The following ZNF605 variants were observed in gnomAD, a reference collection of about 807,000 sequenced individuals.
ZNF605 encodes the protein zinc finger protein 605.
Under a neutral mutation model 7.9 loss-of-function variants are expected in ZNF605, and 9 were observed. The ratio of observed to expected loss-of-function variants is 1.14; its 90% CI spans 0.68 to 1.98. ZNF605 has a LOEUF of 1.98. Ranked by LOEUF, ZNF605 falls within the 30% of genes most tolerant of loss-of-function variation. ZNF605 has a pLI of 0.00. For synonymous variants in ZNF605, 255 were observed against 260.1 expected, an observed-to-expected ratio of 0.98 and a Z score of 0.19; for missense variants, 673 against 762.4, an observed-to-expected ratio of 0.88 and a Z score of 1.38.
chr12:132,943,373 C>A lies in ZNF605; in HGVS notation c.15+2248G>T, dbSNP rs1199359910. 7.5e-3 allele frequency among the ~76,000 whole-genome samples: 1,107 copies of A among 147,856 alleles called. 9 individuals carry two copies. Among genetic ancestry groups the A allele is most frequent in the African/African-American group, 0.013 (503 of 40,182 alleles). ...GACTCCATCTCAAAAAAAAAAAAAA[C>A]AAAAAAAACCTGTAGTGCATGTTCA... On this transcript the variant is annotated intron_variant, in intron 3 of 4. Coordinates refer to ENST00000360187, the MANE Select transcript of ZNF605 (RefSeq NM_183238.4).
chr12:132,934,128 A>G (rs1470545955), intron 3 of ZNF605, among the ~76,000 whole-genome samples: 5 of 151,410 alleles, frequency 3.3e-5, no homozygotes, highest in African/African-American at 9.7e-5. Context: ...CACACACACA[A>G]ATTAGCTGGG....
At chr12:132,930,949 A>G (rs1952302469) in intron 4 of ZNF605, among the ~76,000 whole-genome samples, 1 of 152,210 alleles carries the variant, frequency 6.6e-6, no homozygotes. Flanking sequence ...GGGGAGGCCA[A>G]GGCGGGAGGA....
intron 4 of ZNF605, among the ~76,000 whole-genome samples, chr12:132,931,239 T>G (rs371406167): frequency 0.011 from 1,658 of 152,300 alleles, 31 homozygotes; most frequent in African/African-American, 0.037. Context: ...ACTTTTCTAC[T>G]GAAGGGACAT....
At chr12:132,928,243 T>C (rs1266623676) in intron 4 of ZNF605, among the ~76,000 whole-genome samples, 1 of 152,188 alleles carries the variant, frequency 6.6e-6, no homozygotes, top group African/African-American at 2.4e-5. Flanking sequence ...GCAGAATAAA[T>C]GTACAATATC....
intron 1 of ZNF605, among the ~76,000 whole-genome samples, chr12:132,954,358 T>A (rs1336907106): frequency 4.4e-5 from 1 of 22,838 alleles, no homozygotes; most frequent in Middle Eastern, 0.017. Flanking sequence ...AGGAGAAGGG[T>A]GGGGAGCGGG....
intron 1 of ZNF605, among the ~76,000 whole-genome samples, chr12:132,953,724 T>C (rs1385717913): frequency 1.3e-5 from 2 of 151,778 alleles, no homozygotes; most frequent in Non-Finnish European, 2.9e-5. Flanking sequence ...GGTGCCCAGC[T>C]AAGGCCACTA....
intron 3 of ZNF605, among the ~76,000 whole-genome samples, chr12:132,934,249 G>A (rs1020549218): frequency 6.6e-6 from 1 of 151,918 alleles, no homozygotes; most frequent in Non-Finnish European, 1.5e-5. Flanking sequence ...CCTGCATGCA[G>A]CCTGGGCAAC....
intron 1 of ZNF605, among the ~76,000 whole-genome samples, chr12:132,955,835 G>T (rs1952631061): frequency 6.6e-6 from 1 of 151,900 alleles, no homozygotes; most frequent in Admixed American, 6.6e-5. Flanking sequence ...CCTCCCAGGG[G>T]CCCCTCTCCC....
intron 4 of ZNF605, 145 bp downstream of exon 4, chr12:132,932,890 G>A: frequency 1.5e-6 from 2 of 1,348,770 alleles, no homozygotes; most frequent in South Asian, 3.0e-5. Context: ...TATAAAGGCT[G>A]CAAAATAAAG....
intron 3 of ZNF605, among the ~76,000 whole-genome samples, chr12:132,942,172 A>G (rs1566236033): frequency 1.3e-5 from 2 of 152,366 alleles, no homozygotes; most frequent in East Asian, 3.9e-4. Context: ...ACAGAAAAAC[A>G]AAACAAAACT....
At chr12:132,953,583 T>G (rs1231086324) in intron 1 of ZNF605, among the ~76,000 whole-genome samples, 2 of 152,070 alleles carry the variant, frequency 1.3e-5, no homozygotes, top group Admixed American at 6.6e-5. Flanking sequence ...CCCACCACCA[T>G]GCCCAGCTAA....
intron 1 of ZNF605, among the ~76,000 whole-genome samples, chr12:132,952,467 A>G (rs75433574): frequency 6.9e-6 from 1 of 145,178 alleles, no homozygotes; most frequent in Non-Finnish European, 1.5e-5. Flanking sequence ...AAAAAAAAAA[A>G]AAGGAAATTT....
At chr12:132,936,365 A>C (rs1952367012) in intron 3 of ZNF605, among the ~76,000 whole-genome samples, 1 of 152,210 alleles carries the variant, frequency 6.6e-6, no homozygotes, top group South Asian at 2.1e-4. Flanking sequence ...GAAATAATAA[A>C]GCAAAAGCTC....
chr12:132,954,475 A>AGGGT (rs2137172530), intron 1 of ZNF605, among the ~76,000 whole-genome samples: 1 of 134,402 alleles, frequency 7.4e-6, no homozygotes, highest in Non-Finnish European at 1.6e-5. Flanking sequence ...GGGGAGGAGA[A>AGGGT]GGGGCTTCTG....
At chr12:132,932,308 T>G (rs1376986037) in intron 4 of ZNF605, among the ~76,000 whole-genome samples, 6 of 152,006 alleles carry the variant, frequency 3.9e-5, no homozygotes, top group Non-Finnish European at 7.4e-5. Flanking sequence ...GGTTTTAAAA[T>G]AGAAATATAT....
In ZNF605 at chr12:132,919,379, CTTT is replaced by C. The variant is rs1175837282; in HGVS notation, c.*5991_*5993del. On this transcript the variant is annotated 3_prime_UTR_variant, in exon 5 of 5. Transcript: ENST00000360187. ...AGCCACCACATCTGGCCAGTAATGCCTTTTTTTTTTTTTTTTTTTTTTTTGAGA... is the reference window on the plus strand; with the variant it reads ...AGCCACCACATCTGGCCAGTAATGCCTTTTTTTTTTTTTTTTTTTTTGAGA... The C allele has an allele frequency of 3.2e-3, 301 of 94,022 alleles. 1 individual carries two copies. The highest frequency in any genetic ancestry group is 0.013 in the African/African-American group (287 of 22,710). 5.8% of individuals were successfully genotyped at this position (94,022 alleles called of 1,614,324 possible). A position where few individuals can be genotyped will look rare whatever the true frequency, so the allele number is the denominator to read the frequency against.
rs1046607919 is a variant in ZNF605, at chr12:132,924,318, T to G, written c.*1055A>C. The G allele has an allele frequency of 3.9e-5, 6 of 152,256 alleles. No individual in the cohort carries two copies. The highest frequency in any genetic ancestry group is 1.3e-4 in the Admixed American group (2 of 15,284). The allele number at this position is 152,256 out of a possible 1,614,324, so 9.4% of individuals were successfully genotyped here. On this transcript the variant is annotated 3_prime_UTR_variant, in exon 5 of 5. Coordinates refer to ENST00000360187, the MANE Select transcript of ZNF605 (RefSeq NM_183238.4). ...AATTCTACCTGATGCTCCATGTGTTTCCACTCTGTTTCCACTCTGGCTGCT... is the reference window on the plus strand; with the variant it reads ...AATTCTACCTGATGCTCCATGTGTTGCCACTCTGTTTCCACTCTGGCTGCT...
Position 132,941,754 on chromosome 12 carries a change from C to T in ZNF605, c.15+3867G>A, listed in dbSNP as rs959283149. On this transcript the variant is annotated intron_variant, in intron 3 of 4. Coordinates refer to ENST00000360187, the MANE Select transcript of ZNF605 (RefSeq NM_183238.4). This position sits in a 1 kb window ranked among gnomAD's most constrained non-coding sequence, Gnocchi z 5.1. ...TACCTCCAGGCTGCCCTCCGTCACG[C>T]GTCCCTCTTCTCCGGGCTGCCCTCC... 2.6e-3 allele frequency among the ~76,000 whole-genome samples: 403 copies of T among 152,166 alleles called. 1 individual carries two copies. Among genetic ancestry groups the T allele is most frequent in the African/African-American group, 9.2e-3 (380 of 41,518 alleles).
At chr12:132,954,614 G>T (rs1952616007) in intron 1 of ZNF605, among the ~76,000 whole-genome samples, 1 of 151,152 alleles carries the variant, frequency 6.6e-6, no homozygotes, top group Non-Finnish European at 1.5e-5. Flanking sequence ...TTAGACCCCA[G>T]TCACTCAATG....
Sources: gnomAD v4.1 joint callset for allele counts (sites outside exome capture counted in the v4.1 genomes callset) on GRCh38, gnomAD v4.1.1 for gene constraint, Gnocchi (gnomAD v3.1) non-coding constraint, MANE v1.5 for transcripts, NCBI Gene and HGNC (gene_info 2026-07-23, HGNC 2026-07-21) for gene names.